ASPA: variants seen among roughly 807,000 people sequenced by gnomAD.
The protein encoded by ASPA is ACY-2.
Under a neutral mutation model 29.6 loss-of-function variants are expected in ASPA, and 25 were observed. The observed-to-expected ratio is 0.85, with a 90% CI of 0.62 to 1.18. ASPA has a LOEUF of 1.18. ASPA is among the 50% of genes most tolerant of loss of function. The pLI, the probability that ASPA is intolerant of heterozygous loss-of-function variation, is 0.00. For missense variants in ASPA, 333 were observed against 385.7 expected (o/e 0.86, Z 1.14); for synonymous variants, 131 against 130.3 (o/e 1.01, Z -0.04).
rs985597719 is a variant in ASPA, at chr17:3,501,064, C to G, written c.*1976C>G. On this transcript the variant is annotated 3_prime_UTR_variant, in exon 6 of 6. Transcript: ENST00000263080. The stretch of plus-strand genomic sequence containing the variant: ...AGCATTGTTTTCGCGCCTGCTACCA[C>G]GACATCCAGCCGAAGCCCATGGATC... The G allele has an allele frequency of 2.0e-5, 3 of 152,024 alleles. No individual in the cohort carries two copies. The highest frequency in any genetic ancestry group is 4.4e-5 in the Non-Finnish European group (3 of 68,030). The allele number at this position is 152,024 out of a possible 1,614,324, so 9.4% of individuals were successfully genotyped here.
intron 5 of ASPA, among the ~76,000 whole-genome samples, chr17:3,497,958 T>C (rs1163602154): frequency 1.3e-5 from 2 of 152,128 alleles, no homozygotes; most frequent in African/African-American, 2.4e-5. Context: ...GTGACAGCCA[T>C]GGTGCTTGAG....
chr17:3,477,867 G>C (rs374179184), intron 1 of ASPA, among the ~76,000 whole-genome samples: 2 of 152,202 alleles, frequency 1.3e-5, no homozygotes, highest in African/African-American at 2.4e-5. Flanking sequence ...CCCTCAAGGA[G>C]TTGGTAGACT....
At position 3,490,536 on chromosome 17, in the gene ASPA, C is replaced by G. The variant is rs181272445; in HGVS notation, c.634+1194C>G. 2.1e-5 allele frequency among the ~76,000 whole-genome samples: 3 copies of G among 140,824 alleles called. No individual in the cohort carries two copies. The highest frequency in any genetic ancestry group is 2.1e-4 in the Admixed American group (3 of 14,494). The allele number at this position is 140,824 out of a possible 152,430, so 92.4% of individuals were successfully genotyped here. On this transcript the variant is annotated intron_variant, in intron 4 of 5. Coordinates refer to ENST00000263080, the MANE Select transcript of ASPA (RefSeq NM_000049.4). This position sits in a 1 kb window ranked among gnomAD's most constrained non-coding sequence, Gnocchi z 4.6. ...GGGAGTGAATTCCTCAACCTCAGAT[C>G]GTGCGCACCCCACTGCAATCACAGA... is the stretch of plus-strand genomic sequence containing the variant.
Position 3,499,067 on chromosome 17 carries a change from T to C in ASPA, c.921T>C (p.Ser307=). ...CTAAACTAACGCTCAATGCAAAAAG[T>C]ATTCGCTGCTGTTTACATTAGAAAT... ...KTTKLTLNAK[S]IRCCLH is the part of the protein sequence containing the mutation. Residue 307 remains serine, a synonymous_variant, in exon 6 of 6, where the codon AGT becomes AGC. Transcript: ENST00000263080. The C allele has an allele frequency of 6.2e-7, 1 of 1,614,098 alleles. No homozygotes were observed. Among genetic ancestry groups the C allele is most frequent in the East Asian group, 2.2e-5 (1 of 44,882 alleles).
At chr17:3,474,820 A>G (rs1179983351), upstream of ASPA, among the ~76,000 whole-genome samples, 3 of 152,208 alleles carry the variant, frequency 2.0e-5, no homozygotes, top group African/African-American at 7.2e-5. Flanking sequence ...AGAACTGTGA[A>G]GAAGACCAAA....
At chr17:3,495,296 G>T (rs2073891368) in intron 5 of ASPA, among the ~76,000 whole-genome samples, 1 of 152,134 alleles carries the variant, frequency 6.6e-6, no homozygotes, top group African/African-American at 2.4e-5. Flanking sequence ...TACCTAGAGA[G>T]CTTTTAAAAA....
chr17:3,474,546 A>G (rs2073493751), upstream of ASPA, among the ~76,000 whole-genome samples: 1 of 152,254 alleles, frequency 6.6e-6, no homozygotes, highest in Non-Finnish European at 1.5e-5. Context: ...TGTTCAGTGT[A>G]CATGGATGTG....
Position 3,494,401 on chromosome 17 carries a change from T to C in ASPA, c.686T>C (p.Val229Ala), listed in dbSNP as rs2073876211. The C allele has an allele frequency of 1.9e-6, 3 of 1,613,372 alleles. No homozygotes were observed. ...AIEVYKIIEKVDYPRDENGEI... is the reference protein window; with the variant it reads ...AIEVYKIIEKADYPRDENGEI... ...GAGGTCTATAAAATTATAGAGAAAG[T>C]TGATTACCCCCGGGATGAAAATGGA... The change falls in exon 5 of 6, where the codon GTT becomes GCT. Residue 229 changes from valine (V) to alanine (A), a missense_variant. Transcript: ENST00000263080.
chr17:3,480,229 A>G (rs574147642), intron 1 of ASPA, among the ~76,000 whole-genome samples: 14 of 152,232 alleles, frequency 9.2e-5, no homozygotes, highest in Non-Finnish European at 1.9e-4. Flanking sequence ...TCCGCTGCCC[A>G]GACAGAGCTG....
At chr17:3,480,137 G>A (rs1027075640) in intron 1 of ASPA, among the ~76,000 whole-genome samples, 7 of 152,192 alleles carry the variant, frequency 4.6e-5, no homozygotes, top group Non-Finnish European at 7.3e-5. Flanking sequence ...GCTCATACTT[G>A]TAATTCCAGC....
At chr17:3,495,291 A>G (rs958515203) in intron 5 of ASPA, among the ~76,000 whole-genome samples, 1 of 152,162 alleles carries the variant, frequency 6.6e-6, no homozygotes, top group African/African-American at 2.4e-5. Context: ...ACCTTTACCT[A>G]GAGAGCTTTT....
intron 2 of ASPA, among the ~76,000 whole-genome samples, chr17:3,482,546 A>C (rs1252921412): frequency 6.6e-6 from 1 of 152,174 alleles, no homozygotes; most frequent in African/African-American, 2.4e-5. Context: ...AACCTTAGAC[A>C]AAACACACCA....
chr17:3,495,517 G>A (rs77585155), intron 5 of ASPA, among the ~76,000 whole-genome samples: 4,868 of 152,288 alleles, frequency 0.032, 142 homozygotes, highest in Non-Finnish European at 0.044. Context: ...GGACCCAGGT[G>A]GAAACCTGAA....
In ASPA at chr17:3,502,400, G is replaced by A. The variant is rs1039692113; in HGVS notation, c.*3312G>A. The stretch of plus-strand genomic sequence containing the variant: ...GGAGCCAAGGCTGAAATATCTCTGA[G>A]GTATGCCTGTAATGTATAAGTGCTA... On this transcript the variant is annotated 3_prime_UTR_variant, in exon 6 of 6. Coordinates refer to ENST00000263080, the MANE Select transcript of ASPA (RefSeq NM_000049.4). The A allele has an allele frequency of 6.6e-6, 1 of 152,150 alleles. No individual in the cohort carries two copies. The highest frequency in any genetic ancestry group is 1.5e-5 in the Non-Finnish European group (1 of 68,036). The allele number at this position is 152,150 out of a possible 1,614,324, so 9.4% of individuals were successfully genotyped here. A position where few individuals can be genotyped will look rare whatever the true frequency, so the allele number is the denominator to read the frequency against.
At chr17:3,489,703 T>A (rs1323824251) in intron 4 of ASPA, among the ~76,000 whole-genome samples, 1 of 152,182 alleles carries the variant, frequency 6.6e-6, no homozygotes, top group Non-Finnish European at 1.5e-5. Context: ...TCTGCAAATA[T>A]CAAGCGTTGG....
Position 3,499,262 on chromosome 17 carries a change from T to C in ASPA, c.*174T>C, listed in dbSNP as rs2073962094. 2 of 555,058 alleles carry C rather than the reference T, an allele frequency of 3.6e-6. No homozygotes were observed. The highest frequency in any genetic ancestry group is 3.1e-5 in the South Asian group (1 of 32,558). The allele number at this position is 555,058 out of a possible 1,614,324, so 34.4% of individuals were successfully genotyped here. A position where few individuals can be genotyped will look rare whatever the true frequency, so the allele number is the denominator to read the frequency against. ...ATTAATTAATATATCTTTAAAGATA[T>C]CATATTTTATGTATGTAGCTTATTC... On this transcript the variant is annotated 3_prime_UTR_variant, in exon 6 of 6. Coordinates refer to ENST00000263080, the MANE Select transcript of ASPA (RefSeq NM_000049.4).
At chr17:3,475,378 C>G (rs2073506030), upstream of ASPA, 1 of 152,254 alleles carries the variant, frequency 6.6e-6, no homozygotes, top group African/African-American at 2.4e-5. Flanking sequence ...ATCACAAAAA[C>G]TTGAAAAGTA....
At position 3,481,753 on chromosome 17, in the gene ASPA, G is replaced by C; in HGVS notation, c.387G>C (p.Glu129Asp). Reference protein sequence around the residue: ...TSNMGCTLILEDSRNNFLIQM... With the variant: ...TSNMGCTLILDDSRNNFLIQM... ...ACATGGGGTGCACTCTTATTCTTGA[G>C]GATTCCAGGAATAACTTTTTAATTC... The change falls in exon 2 of 6, where the codon GAG (glutamate) becomes GAC (aspartate). Residue 129 changes from glutamate to aspartate, a missense_variant. Glu to Asp is a conservative substitution (Grantham distance 45). Coordinates refer to ENST00000263080, the MANE Select transcript of ASPA (RefSeq NM_000049.4). 6.2e-7 allele frequency: 1 copy of C among 1,612,856 alleles called. No individual in the cohort carries two copies. The highest frequency in any genetic ancestry group is 1.7e-5 in the Admixed American group (1 of 59,942).
intron 5 of ASPA, among the ~76,000 whole-genome samples, chr17:3,497,760 G>A (rs748380362): frequency 1.1e-4 from 17 of 152,164 alleles, no homozygotes; most frequent in Admixed American, 2.0e-4. Context: ...GGTCTGCTGC[G>A]CATAATGAAA....
Sources: gnomAD v4.1 joint callset for allele counts (sites outside exome capture counted in the v4.1 genomes callset) on GRCh38, gnomAD v4.1.1 for gene constraint, Gnocchi (gnomAD v3.1) non-coding constraint, MANE v1.5 for transcripts, NCBI Gene and HGNC (gene_info 2026-07-23, HGNC 2026-07-21) for gene names.